MVB12B: variants seen among roughly 807,000 people sequenced by gnomAD.
The protein encoded by MVB12B is ESCRT-I complex subunit MVB12B.
In MVB12B, 16 loss-of-function variants were observed where a neutral mutation model predicts 41.6. The observed-to-expected ratio is 0.38, with a 90% CI of 0.26 to 0.58. The LOEUF (loss-of-function observed/expected upper bound fraction) is 0.58, where lower values mean the gene tolerates loss of function less well. MVB12B is among the 20% of genes least tolerant of loss of function. The probability of loss-of-function intolerance (pLI) is 0.62; values close to 1 mark genes in which losing one functional copy is unlikely to be tolerated. For missense variants in MVB12B, 274 were observed against 380.2 expected (o/e 0.72, Z 2.32); for synonymous variants, 133 against 139.7 (o/e 0.95, Z 0.34).
At position 126,340,404 on chromosome 9, in the gene MVB12B, C is replaced by A; in HGVS notation, c.82-104C>A. ...ATTCAACCAGTACAGGTATGTGAAA[C>A]TCAGGGTATTTGCCCCAAGATTCTG... On this transcript the variant is annotated intron_variant, in intron 1 of 9. Coordinates refer to ENST00000361171, the MANE Select transcript of MVB12B (RefSeq NM_033446.3). The surrounding 1 kb of genome is among the most constrained non-coding windows in gnomAD (Gnocchi z 4.0). 7.4e-7 allele frequency: 1 copy of A among 1,344,022 alleles called. No homozygotes were observed. The allele number at this position is 1,344,022 out of a possible 1,614,324, so 83.3% of individuals were successfully genotyped here.
At chr9:126,481,053 A>G (rs1222301867) in intron 7 of MVB12B, 2 of 346,100 alleles carry the variant, frequency 5.8e-6, no homozygotes, top group African/African-American at 4.3e-5. Flanking sequence ...CTCTCCCGTT[A>G]CAGATCAGAG....
intron 7 of MVB12B, among the ~76,000 whole-genome samples, chr9:126,441,763 G>T (rs184285957): frequency 1.3e-5 from 2 of 152,212 alleles, no homozygotes; most frequent in African/African-American, 4.8e-5. Context: ...TATGTAATTA[G>T]TGATAACATT....
Position 126,505,767 on chromosome 9 carries a change from C to T in MVB12B, c.*2504C>T, listed in dbSNP as rs941841932. 2.6e-5 allele frequency: 4 copies of T among 152,172 alleles called. No homozygotes were observed. Among genetic ancestry groups the T allele is most frequent in the African/African-American group, 9.7e-5 (4 of 41,406 alleles). The allele number at this position is 152,172 out of a possible 1,614,324, so 9.4% of individuals were successfully genotyped here. ...AGAACTGAGGCATGAAACTCTGGCT[C>T]AAACCTAGGAATTGAGAGCGTTTCT... is the stretch of plus-strand genomic sequence containing the variant. On this transcript the variant is annotated 3_prime_UTR_variant, in exon 10 of 10. Coordinates refer to ENST00000361171, the MANE Select transcript of MVB12B (RefSeq NM_033446.3).
At position 126,468,941 on chromosome 9, in the gene MVB12B, C is replaced by G. The variant is rs1418717701; in HGVS notation, c.758-12428C>G. Among the ~76,000 whole-genome samples the G allele has an allele frequency of 6.6e-6, 1 of 152,056 alleles. No homozygotes were observed. The highest frequency in any genetic ancestry group is 1.5e-5 in the Non-Finnish European group (1 of 67,996). On this transcript the variant is annotated intron_variant, in intron 7 of 9. Transcript: ENST00000361171. The surrounding 1 kb of genome is among the most constrained non-coding windows in gnomAD (Gnocchi z 4.3). ...CTAAGAATTGATGTGGAAACACAGT[C>G]AATTGAAAAAAAGTAAATTGCAAAA...
rs934316833 is a variant in MVB12B at position 126,439,057 on chromosome 9, G to A, written c.757+17109G>A. Among the ~76,000 whole-genome samples, 6 of 152,028 alleles carry A rather than the reference G, an allele frequency of 3.9e-5. No homozygotes were observed. In the South Asian group the frequency reaches 1.0e-3, roughly 26 times the overall value. The stretch of plus-strand genomic sequence containing the variant: ...GGATTTGGATCTGTTTAAAGGGTTC[G>A]ATTCCCTTAGCCCTGGGGGAATCGG... On this transcript the variant is annotated intron_variant, in intron 7 of 9. Coordinates refer to ENST00000361171, the MANE Select transcript of MVB12B (RefSeq NM_033446.3).
intron 2 of MVB12B, among the ~76,000 whole-genome samples, chr9:126,349,225 G>T (rs1829682120): frequency 6.6e-6 from 1 of 152,168 alleles, no homozygotes. Flanking sequence ...TCAGGTACCT[G>T]GCCCTGGGGT....
rs1417717677 is a variant in MVB12B, at chr9:126,374,289, G to A, written c.205-6775G>A. Among the ~76,000 whole-genome samples the A allele has an allele frequency of 2.6e-5, 4 of 152,138 alleles. No individual in the cohort carries two copies. The South Asian group carries it at 6.2e-4, about 24-fold the overall frequency. On this transcript the variant is annotated intron_variant, in intron 2 of 9. Coordinates refer to ENST00000361171, the MANE Select transcript of MVB12B (RefSeq NM_033446.3). ...CACAGTAACTGTCTCCCAGGCCTCC[G>A]GCCCCCAGATCTTTCAGGGATTAAG...
At chr9:126,472,465 C>T (rs1321225990) in intron 7 of MVB12B, among the ~76,000 whole-genome samples, 1 of 50,528 alleles carries the variant, frequency 2.0e-5, no homozygotes, top group African/African-American at 6.1e-5. Context: ...TTCAGGTCAG[C>T]TGGCAAAAAA....
At chr9:126,481,289 T>G in intron 7 of MVB12B, 80 bp from the exon 8 acceptor site, 1 of 1,188,324 alleles carries the variant, frequency 8.4e-7, no homozygotes, top group Non-Finnish European at 1.2e-6. Flanking sequence ...ATATTCTCTG[T>G]TTCGACATCT....
intron 2 of MVB12B, among the ~76,000 whole-genome samples, chr9:126,361,479 T>C (rs1270609362): frequency 2.0e-5 from 3 of 152,212 alleles, no homozygotes; most frequent in African/African-American, 7.2e-5. Context: ...AATAACATAG[T>C]CTTTTATAGT....
At chr9:126,350,609 G>C (rs1829719415) in intron 2 of MVB12B, among the ~76,000 whole-genome samples, 1 of 152,186 alleles carries the variant, frequency 6.6e-6, no homozygotes, top group African/African-American at 2.4e-5. Context: ...CTCATGGCGA[G>C]GAGACTCAGA....
intron 1 of MVB12B, chr9:126,335,389 C>T: frequency 1.5e-6 from 2 of 1,304,330 alleles, no homozygotes; most frequent in Non-Finnish European, 2.0e-6. Context: ...CTGGCCTCAG[C>T]TCTCAGCCTT....
rs901782659 is a variant in MVB12B, at chr9:126,478,993, G to A, written c.758-2376G>A. The stretch of plus-strand genomic sequence containing the variant: ...GTTCTGCAGGGGAGCAATTGCCAGG[G>A]CCTGTGCACAGTACCTGGGCGTGCA... On this transcript the variant is annotated intron_variant, in intron 7 of 9. Coordinates refer to ENST00000361171, the MANE Select transcript of MVB12B (RefSeq NM_033446.3). This position sits in a 1 kb window ranked among gnomAD's most constrained non-coding sequence, Gnocchi z 4.2. Among the ~76,000 whole-genome samples the A allele has an allele frequency of 6.6e-6, 1 of 152,174 alleles. No homozygotes were observed. Among genetic ancestry groups the A allele is most frequent in the Non-Finnish European group, 1.5e-5 (1 of 68,010 alleles).
intron 1 of MVB12B, among the ~76,000 whole-genome samples, chr9:126,338,301 A>G (rs1164287812): frequency 6.6e-6 from 1 of 152,210 alleles, no homozygotes; most frequent in Non-Finnish European, 1.5e-5. Context: ...GCCCGCAGCC[A>G]TCTTTGAACC....
Position 126,413,849 on chromosome 9 carries a change from T to TGTGC in MVB12B, c.663-8002_663-8001insCGTG, listed in dbSNP as rs148914544. 5.1e-3 allele frequency among the ~76,000 whole-genome samples: 752 copies of TGTGC among 148,606 alleles called. 5 individuals are homozygous for TGTGC. Among genetic ancestry groups the TGTGC allele is most frequent in the African/African-American group, 0.016 (643 of 40,240 alleles). On this transcript the variant is annotated intron_variant, in intron 6 of 9. Transcript: ENST00000361171. ...GTGTGTGTGTGTGTGTGTGTGTGTG[T>TGTGC]GTGTATAAGGGTTGGGAGATCAAAG...
rs116919787 is a variant in MVB12B, at chr9:126,477,228, C to G, written c.758-4141C>G. Reference sequence around the variant, plus strand: ...TTAACCAGATCTTGTGAGAATCACTCACTACCGTGAGAACAGCACCAAGCC... The same window carrying G: ...TTAACCAGATCTTGTGAGAATCACTGACTACCGTGAGAACAGCACCAAGCC... On this transcript the variant is annotated intron_variant, in intron 7 of 9. Transcript: ENST00000361171. Among the ~76,000 whole-genome samples the G allele has an allele frequency of 3.6e-3, 547 of 152,298 alleles. 9 individuals carry two copies. In the East Asian group the frequency reaches 0.042, roughly 12 times the overall value.
intron 2 of MVB12B, among the ~76,000 whole-genome samples, chr9:126,365,042 G>A (rs1384739473): frequency 2.7e-5 from 4 of 148,734 alleles, no homozygotes; most frequent in Non-Finnish European, 4.5e-5. Flanking sequence ...GTGAGCCACC[G>A]CGCCTGGCCT....
intron 2 of MVB12B, among the ~76,000 whole-genome samples, chr9:126,343,936 A>G (rs1278548613): frequency 6.6e-6 from 1 of 152,178 alleles, no homozygotes. Context: ...AAATTAATTA[A>G]TAAATAAATG....
Position 126,395,765 on chromosome 9 carries a change from C to T in MVB12B, c.662+68C>T. The T allele has an allele frequency of 6.3e-7, 1 of 1,590,790 alleles. No individual in the cohort carries two copies. Among genetic ancestry groups the T allele is most frequent in the Non-Finnish European group, 8.6e-7 (1 of 1,168,318 alleles). On this transcript the variant is annotated intron_variant, in intron 6 of 9. Coordinates refer to ENST00000361171, the MANE Select transcript of MVB12B (RefSeq NM_033446.3). This position sits in a 1 kb window ranked among gnomAD's most constrained non-coding sequence, Gnocchi z 4.9. ...GGTCCCTGCACAACATTTTAGAACA[C>T]CACCACTTAGTGTCTGCTGAAATAC...
Sources: allele counts gnomAD v4.1 joint callset (sites outside exome capture counted in the v4.1 genomes callset), GRCh38; gene constraint gnomAD v4.1.1; non-coding constraint Gnocchi (gnomAD v3.1); transcripts MANE v1.5; gene names NCBI Gene and HGNC (gene_info 2026-07-23, HGNC 2026-07-21).